CARMIL1: variants seen among roughly 807,000 people sequenced by gnomAD.
The protein encoded by CARMIL1 is F-actin-uncapping protein LRRC16A.
CARMIL1 carries 90 observed loss-of-function variants against 177.1 expected under a neutral mutation model. The observed-to-expected ratio is 0.51, with a 90% CI of 0.43 to 0.61. The LOEUF (loss-of-function observed/expected upper bound fraction) is 0.61, where lower values mean the gene tolerates loss of function less well. Ranked by LOEUF, CARMIL1 falls within the 20% of genes least tolerant of loss-of-function variation. CARMIL1 has a pLI of 0.00. For synonymous variants in CARMIL1, 577 were observed against 606.2 expected (o/e 0.95, Z 0.71); for missense variants, 1,380 against 1,667.0 (o/e 0.83, Z 3.00).
chr6:25,311,877 G>C (rs533414931), intron 2 of CARMIL1, among the ~76,000 whole-genome samples: 1 of 152,158 alleles, frequency 6.6e-6, no homozygotes, highest in Non-Finnish European at 1.5e-5. Flanking sequence ...TCCCACTCTC[G>C]ATTACTAGCC....
chr6:25,598,858 A>T (rs891681956), intron 32 of CARMIL1, among the ~76,000 whole-genome samples: 1 of 151,892 alleles, frequency 6.6e-6, no homozygotes, highest in Non-Finnish European at 1.5e-5. Context: ...GGTATCCCTG[A>T]CTCTCAGAAT....
intron 2 of CARMIL1, among the ~76,000 whole-genome samples, chr6:25,309,766 CTTTTTTTTTT>C (rs34514583): frequency 8.6e-6 from 1 of 116,906 alleles, no homozygotes; most frequent in Admixed American, 9.3e-5. Context: ...TATACCACAT[CTTTTTTTTTT>C]TTTTTTTTTT....
At chr6:25,487,823 A>G (rs1582120882) in intron 12 of CARMIL1, among the ~76,000 whole-genome samples, 1 of 152,130 alleles carries the variant, frequency 6.6e-6, no homozygotes, top group African/African-American at 2.4e-5. Context: ...TCACATATTC[A>G]TTCTTTGTTT....
intron 22 of CARMIL1, among the ~76,000 whole-genome samples, chr6:25,518,441 C>T (rs935083504): frequency 3.9e-5 from 6 of 152,174 alleles, no homozygotes; most frequent in Non-Finnish European, 7.3e-5. Flanking sequence ...AAGTTACTAC[C>T]ATTACAAAAT....
chr6:25,574,090 T>G (rs1301782629), intron 29 of CARMIL1, among the ~76,000 whole-genome samples: 1 of 152,208 alleles, frequency 6.6e-6, no homozygotes, highest in Non-Finnish European at 1.5e-5. Flanking sequence ...CAAGCTATTA[T>G]GATCTGGTTG....
At chr6:25,314,095 T>C (rs1784070472) in intron 2 of CARMIL1, among the ~76,000 whole-genome samples, 1 of 150,546 alleles carries the variant, frequency 6.6e-6, no homozygotes, top group Non-Finnish European at 1.5e-5. Context: ...GTCTGAACTC[T>C]AAACTCTTTG....
chr6:25,482,701 A>G (rs886483623), intron 12 of CARMIL1, among the ~76,000 whole-genome samples: 1 of 152,136 alleles, frequency 6.6e-6, no homozygotes, highest in African/African-American at 2.4e-5. Flanking sequence ...TAACTGTCAG[A>G]TAGACTGTCT....
At chr6:25,461,640 A>G (rs301401) in intron 8 of CARMIL1, among the ~76,000 whole-genome samples, 30,150 of 152,206 alleles carry the variant, frequency 0.2, 3,042 homozygotes, top group Middle Eastern at 0.21. Context: ...ATAAATAATT[A>G]TCTACATTTT....
intron 5 of CARMIL1, among the ~76,000 whole-genome samples, chr6:25,438,122 A>G (rs1398220560): frequency 1.3e-5 from 2 of 152,200 alleles, no homozygotes; most frequent in Non-Finnish European, 2.9e-5. Context: ...AATAGCTCTA[A>G]TCCTGACAAA....
At chr6:25,392,488 G>T (rs1278061894) in intron 2 of CARMIL1, among the ~76,000 whole-genome samples, 2 of 152,096 alleles carry the variant, frequency 1.3e-5, no homozygotes, top group Non-Finnish European at 2.9e-5. Flanking sequence ...TCATTCTTAT[G>T]TCTTTTCTCC....
Position 25,332,742 on chromosome 6 carries a change from TACAC to T in CARMIL1, c.138+47860_138+47863del, listed in dbSNP as rs35133749. 3.4e-3 allele frequency among the ~76,000 whole-genome samples: 483 copies of T among 140,138 alleles called. 3 individuals carry two copies. Among genetic ancestry groups the T allele is most frequent in the African/African-American group, 6.6e-3 (243 of 36,632 alleles). 91.9% of individuals were successfully genotyped at this position (140,138 alleles called of 152,430 possible). A position where few individuals can be genotyped will look rare whatever the true frequency, so the allele number is the denominator to read the frequency against. On this transcript the variant is annotated intron_variant, in intron 2 of 36. Coordinates refer to ENST00000329474, the MANE Select transcript of CARMIL1 (RefSeq NM_017640.6). ...GCACCACCCACCATGCAAACATGCA[TACAC>T]ACACACACACACACACACACACACA...
chr6:25,475,565 T>A (rs1801488245), intron 11 of CARMIL1, among the ~76,000 whole-genome samples: 1 of 152,194 alleles, frequency 6.6e-6, no homozygotes, highest in African/African-American at 2.4e-5. Flanking sequence ...ACAATCCAAA[T>A]GTTCATCACT....
intron 31 of CARMIL1, among the ~76,000 whole-genome samples, chr6:25,591,431 G>C (rs1814289971): frequency 6.6e-6 from 1 of 152,196 alleles, no homozygotes; most frequent in African/African-American, 2.4e-5. Context: ...TGCAAATGCA[G>C]TGGATTCTGG....
intron 8 of CARMIL1, among the ~76,000 whole-genome samples, chr6:25,458,485 C>CAAAAAAA (rs750169275): frequency 2.9e-5 from 2 of 68,216 alleles, no homozygotes; most frequent in African/African-American, 6.4e-5. Flanking sequence ...GACTCTGTCT[C>CAAAAAAA]AAAAAAAAAA....
intron 11 of CARMIL1, among the ~76,000 whole-genome samples, chr6:25,475,021 G>A (rs950016460): frequency 6.6e-6 from 1 of 152,182 alleles, no homozygotes; most frequent in African/African-American, 2.4e-5. Flanking sequence ...ATAAGTCTTA[G>A]AAAGGATGTG....
chr6:25,391,692 C>A (rs1792835967), intron 2 of CARMIL1, among the ~76,000 whole-genome samples: 1 of 152,178 alleles, frequency 6.6e-6, no homozygotes, highest in African/African-American at 2.4e-5. Context: ...GTTGCACTAA[C>A]CATATTGCCA....
intron 17 of CARMIL1, among the ~76,000 whole-genome samples, chr6:25,502,529 G>A (rs534040270): frequency 3.9e-4 from 58 of 149,042 alleles, no homozygotes; most frequent in Middle Eastern, 3.4e-3. Context: ...ACTCCAGCCC[G>A]GGCGACAGCT....
At chr6:25,376,611 T>C (rs1294755503) in intron 2 of CARMIL1, among the ~76,000 whole-genome samples, 1 of 152,110 alleles carries the variant, frequency 6.6e-6, no homozygotes, top group Non-Finnish European at 1.5e-5. Flanking sequence ...TGTAGTAGCA[T>C]AGTGCTTGGT....
At chr6:25,449,782 CTGAAAT>C in intron 5 of CARMIL1, 110 bp from the exon 6 acceptor site, 1 of 577,616 alleles carries the variant, frequency 1.7e-6, no homozygotes, top group Non-Finnish European at 3.0e-6. Context: ...TGAAGAAAAA[CTGAAAT>C]TGAAGTGACC....
Sources: gnomAD v4.1 joint callset for allele counts (sites outside exome capture counted in the v4.1 genomes callset) on GRCh38, gnomAD v4.1.1 for gene constraint, MANE v1.5 for transcripts, NCBI Gene and HGNC (gene_info 2026-07-23, HGNC 2026-07-21) for gene names.